RP1: variants seen among roughly 807,000 people sequenced by gnomAD.
RP1 encodes the protein oxygen-regulated protein 1.
In RP1, 16 loss-of-function variants were observed where a neutral mutation model predicts 14.8. That is an observed-to-expected ratio of 1.08 (90% confidence interval 0.73 to 1.65). The LOEUF (loss-of-function observed/expected upper bound fraction) is 1.65, where lower values mean the gene tolerates loss of function less well. RP1 is among the 40% of genes most tolerant of loss of function. RP1 has a pLI of 0.00. For missense variants in RP1, 2,631 were observed against 2,535.0 expected, an observed-to-expected ratio of 1.04 and a Z score of -0.81; for synonymous variants, 876 against 883.6, an observed-to-expected ratio of 0.99 and a Z score of 0.15.
At chr8:54,689,452 T>C (rs1311568480) in intron 12 of RP1, among the ~76,000 whole-genome samples, 1 of 152,014 alleles carries the variant, frequency 6.6e-6, no homozygotes, top group Admixed American at 6.6e-5. Flanking sequence ...GATGAAAAGT[T>C]ATTTCCTTTC....
chr8:54,701,760 C>T (rs1808026369), intron 14 of RP1: 3 of 1,100,092 alleles, frequency 2.7e-6, no homozygotes, highest in Admixed American at 4.8e-5. Flanking sequence ...ATGCAGTAAT[C>T]GAATCACTTC....
intron 12 of RP1, chr8:54,696,650 C>T (rs1807870925): frequency 1.2e-6 from 1 of 824,700 alleles, no homozygotes; most frequent in African/African-American, 1.7e-5. Context: ...GCCAGATAAA[C>T]ATTCCTTGGC....
chr8:54,599,340 C>T (rs988501211), intron 1 of RP1, among the ~76,000 whole-genome samples: 9 of 151,996 alleles, frequency 5.9e-5, no homozygotes, highest in East Asian at 1.9e-4. Context: ...TCTATTATTT[C>T]GTTTGTTTCA....
chr8:54,868,429 A>C (rs1199952070), intron 28 of RP1, among the ~76,000 whole-genome samples: 1 of 152,300 alleles, frequency 6.6e-6, no homozygotes, highest in Non-Finnish European at 1.5e-5. Flanking sequence ...TAAGTATTAA[A>C]AAATTATCTT....
At chr8:54,819,023 C>G (rs963974704) in intron 24 of RP1, among the ~76,000 whole-genome samples, 6 of 151,992 alleles carry the variant, frequency 3.9e-5, no homozygotes, top group African/African-American at 1.4e-4. Context: ...CTGGAGGGCC[C>G]AGAACACATT....
intron 23 of RP1, among the ~76,000 whole-genome samples, chr8:54,775,727 G>A (rs1480788719): frequency 1.3e-5 from 2 of 152,244 alleles, no homozygotes; most frequent in Non-Finnish European, 2.9e-5. Context: ...TTTTAGGATA[G>A]TTCGTTATGC....
chr8:54,742,173 G>C (rs1809113953), intron 19 of RP1, among the ~76,000 whole-genome samples: 1 of 152,114 alleles, frequency 6.6e-6, no homozygotes, highest in South Asian at 2.1e-4. Flanking sequence ...CTAGATTATA[G>C]TGGAGTCAGA....
intron 7 of RP1, among the ~76,000 whole-genome samples, chr8:54,670,668 T>TG (rs1563343277): frequency 3.7e-4 from 17 of 46,198 alleles, no homozygotes; most frequent in African/African-American, 1.5e-3. Flanking sequence ...AATATATATG[T>TG]TTTTATATAT....
chr8:54,739,922 G>A (rs549737791), intron 19 of RP1, among the ~76,000 whole-genome samples: 62 of 151,580 alleles, frequency 4.1e-4, no homozygotes, highest in Non-Finnish European at 7.6e-4. Flanking sequence ...TATTTGTGGT[G>A]ATGCAGGTGT....
At chr8:54,663,014 A>C (rs1261561057) in intron 6 of RP1, among the ~76,000 whole-genome samples, 1 of 152,116 alleles carries the variant, frequency 6.6e-6, no homozygotes, top group Non-Finnish European at 1.5e-5. Flanking sequence ...GCTGTCCAAA[A>C]ATATTAAATG....
At chr8:54,853,970 A>G (rs1812125778) in intron 26 of RP1, among the ~76,000 whole-genome samples, 1 of 151,726 alleles carries the variant, frequency 6.6e-6, no homozygotes, top group Non-Finnish European at 1.5e-5. Flanking sequence ...AAAGAGAGAA[A>G]GAAAGAGAAA....
chr8:54,693,039 C>T (rs1397527341), intron 12 of RP1, among the ~76,000 whole-genome samples: 158 of 152,014 alleles, frequency 1.0e-3, no homozygotes, highest in Admixed American at 2.4e-3. Flanking sequence ...TACATATGGC[C>T]AGCCAGTTTT....
At chr8:54,567,938 C>G (rs1003919835) in intron 1 of RP1, among the ~76,000 whole-genome samples, 6 of 152,176 alleles carry the variant, frequency 3.9e-5, no homozygotes, top group African/African-American at 1.4e-4. Flanking sequence ...ACAAAAGCAG[C>G]ATGAAAAGCA....
intron 12 of RP1, among the ~76,000 whole-genome samples, chr8:54,698,564 T>C (rs1019168001): frequency 6.6e-6 from 1 of 152,190 alleles, no homozygotes; most frequent in African/African-American, 2.4e-5. Flanking sequence ...TTATAAATCA[T>C]TCTGCTATAA....
chr8:54,665,845 ATGG>A (rs1807004612), intron 7 of RP1, among the ~76,000 whole-genome samples: 1 of 152,134 alleles, frequency 6.6e-6, no homozygotes, highest in Non-Finnish European at 1.5e-5. Flanking sequence ...AATGTAACCC[ATGG>A]AAATCGTTGG....
rs529508629 is a variant in RP1, at chr8:54,678,570, A to G, written c.1478+34A>G. 1.1e-4 allele frequency: 159 copies of G among 1,505,374 alleles called. No homozygotes were observed. In the African/African-American group the frequency reaches 2.1e-3, roughly 20 times the overall value. 93.3% of individuals were successfully genotyped at this position (1,505,374 alleles called of 1,614,324 possible). A position where few individuals can be genotyped will look rare whatever the true frequency, so the allele number is the denominator to read the frequency against. Reference sequence around the variant, plus strand: ...GTGTACTTTTACATCGAAAAAATCCATTTCATGTTAGTTCCAAGTTTGTGC... The same window carrying G: ...GTGTACTTTTACATCGAAAAAATCCGTTTCATGTTAGTTCCAAGTTTGTGC... On this transcript the variant is annotated intron_variant, in intron 9 of 22. Coordinates refer to the RP1 transcript ENST00000636932.
intron 22 of RP1, among the ~76,000 whole-genome samples, chr8:54,768,897 C>CTTT (rs138672609): frequency 7.2e-6 from 1 of 138,662 alleles, no homozygotes; most frequent in African/African-American, 2.7e-5. Context: ...TGGTTATATT[C>CTTT]TTTTTTTTTT....
rs535274586 is a variant in RP1, at chr8:54,780,214, A to G, written c.3452-3333A>G. 8.7e-4 allele frequency among the ~76,000 whole-genome samples: 132 copies of G among 152,336 alleles called. 1 individual carries two copies. The highest frequency in any genetic ancestry group is 1.2e-3 in the South Asian group (6 of 4,828). On this transcript the variant is annotated intron_variant, in intron 23 of 28. Transcript: ENST00000637698. ...AACAAATGAGCATGGCGTCATTCCA[A>G]TGAAATTTAATTACAAAAACAGGTG...
chr8:54,652,754 A>G (rs756157985), intron 4 of RP1: 3 of 1,497,068 alleles, frequency 2.0e-6, no homozygotes, highest in South Asian at 1.2e-5. Context: ...AATTACATTG[A>G]AAGTTGTTCC....
Sources: gnomAD v4.1 joint callset for allele counts (sites outside exome capture counted in the v4.1 genomes callset) on GRCh38, gnomAD v4.1.1 for gene constraint, MANE v1.5 for transcripts, NCBI Gene and HGNC (gene_info 2026-07-23, HGNC 2026-07-21) for gene names.